Variants in RBFOX1 observed in about 807,000 individuals in gnomAD.
RBFOX1 encodes RNA binding fox-1 homolog 1, also known as RNA binding protein fox-1 homolog 1.
In RBFOX1, 8 loss-of-function variants were observed where a neutral mutation model predicts 57.7. That is an observed-to-expected ratio of 0.14 (90% confidence interval 0.08 to 0.25). The LOEUF (loss-of-function observed/expected upper bound fraction) is 0.25. RBFOX1 is among the 10% of genes least tolerant of loss of function. The pLI is 1.00. For synonymous variants in RBFOX1, 326 were observed against 222.4 expected, an observed-to-expected ratio of 1.47 and a Z score of -4.15; for missense variants, 611 against 548.5, an observed-to-expected ratio of 1.11 and a Z score of -1.14.
rs1279387523 is a variant in RBFOX1, at chr16:6,075,800, A to T, written c.-127+55808A>T. On this transcript the variant is annotated intron_variant, in intron 1 of 15. Coordinates refer to ENST00000550418, the MANE Select transcript of RBFOX1 (RefSeq NM_018723.4). ...CCATGTCGTGGACAAAAATTAACTGAATTAACTGTAACTATCTCAAATCAA... is the reference window on the plus strand; with the variant it reads ...CCATGTCGTGGACAAAAATTAACTGTATTAACTGTAACTATCTCAAATCAA... 4.6e-5 allele frequency among the ~76,000 whole-genome samples: 7 copies of T among 152,196 alleles called. No homozygotes were observed. The East Asian group carries it at 1.4e-3, about 29-fold the overall frequency.
intron 5 of RBFOX1, among the ~76,000 whole-genome samples, chr16:7,567,288 T>TC (rs2092001077): frequency 1.4e-4 from 17 of 119,950 alleles, no homozygotes; most frequent in African/African-American, 4.7e-4. Flanking sequence ...TCCCTATATA[T>TC]CCTTATATAT....
At chr16:5,615,152 A>C (rs2031638856) in intron 3 of RBFOX1, among the ~76,000 whole-genome samples, 1 of 152,190 alleles carries the variant, frequency 6.6e-6, no homozygotes, top group South Asian at 2.1e-4. Flanking sequence ...TTTCCATCCC[A>C]GCCTCCCAAG....
At chr16:5,328,875 G>A (rs1445292334) in intron 1 of RBFOX1, among the ~76,000 whole-genome samples, 4 of 152,170 alleles carry the variant, frequency 2.6e-5, no homozygotes, top group Non-Finnish European at 4.4e-5. Flanking sequence ...TAACCATTAG[G>A]CTGCCTTGAT....
Position 7,123,438 on chromosome 16 carries a change from CACTGTA to C in RBFOX1, c.27+71343_27+71348del, listed in dbSNP as rs2067670220. Among the ~76,000 whole-genome samples the C allele has an allele frequency of 2.0e-5, 3 of 152,160 alleles. No individual in the cohort carries two copies. The South Asian group carries it at 6.2e-4, about 32-fold the overall frequency. ...GGAGTACAGTGGTGCCAATACAGCTCACTGTAACCTTGACCTCCTGGGCTCAGGTGA... is the reference window on the plus strand; with the variant it reads ...GGAGTACAGTGGTGCCAATACAGCTCACCTTGACCTCCTGGGCTCAGGTGA... On this transcript the variant is annotated intron_variant, in intron 4 of 15. Transcript: ENST00000550418.
chr16:5,360,473 T>C (rs972658994), intron 1 of RBFOX1, among the ~76,000 whole-genome samples: 2 of 152,218 alleles, frequency 1.3e-5, no homozygotes, highest in African/African-American at 4.8e-5. Context: ...ATGCATCACC[T>C]ACATGCACAG....
chr16:6,382,968 G>C (rs1205353517), intron 2 of RBFOX1, among the ~76,000 whole-genome samples: 1 of 152,208 alleles, frequency 6.6e-6, no homozygotes, highest in African/African-American at 2.4e-5. Context: ...TGACAAGCCA[G>C]TATTTACGCT....
chr16:6,886,838 A>T (rs944733290), intron 3 of RBFOX1, among the ~76,000 whole-genome samples: 1 of 152,138 alleles, frequency 6.6e-6, no homozygotes, highest in African/African-American at 2.4e-5. Flanking sequence ...TTTGCTTTAG[A>T]ATCAGTGAAA....
chr16:5,453,849 A>C (rs1033998672), intron 1 of RBFOX1, among the ~76,000 whole-genome samples: 1 of 152,230 alleles, frequency 6.6e-6, no homozygotes, highest in Non-Finnish European at 1.5e-5. Flanking sequence ...GTAAGTTCTC[A>C]TGCAGAAGGA....
intron 1 of RBFOX1, among the ~76,000 whole-genome samples, chr16:6,115,927 C>T (rs2096491986): frequency 6.6e-6 from 1 of 152,034 alleles, no homozygotes; most frequent in Non-Finnish European, 1.5e-5. Flanking sequence ...ATCTCTAGTA[C>T]CCAAAGGATT....
At chr16:6,322,068 C>T (rs559775278) in intron 2 of RBFOX1, among the ~76,000 whole-genome samples, 1 of 152,154 alleles carries the variant, frequency 6.6e-6, no homozygotes, top group Non-Finnish European at 1.5e-5. Flanking sequence ...CTAACATTGT[C>T]TTTGTTTTTC....
At chr16:7,289,555 A>G (rs1006112550) in intron 4 of RBFOX1, among the ~76,000 whole-genome samples, 1 of 152,104 alleles carries the variant, frequency 6.6e-6, no homozygotes, top group Non-Finnish European at 1.5e-5. Context: ...CAATATGATA[A>G]TGATGATCAT....
chr16:6,016,959 G>C (rs2094997558), upstream of RBFOX1, among the ~76,000 whole-genome samples: 1 of 152,118 alleles, frequency 6.6e-6, no homozygotes, highest in Non-Finnish European at 1.5e-5. Context: ...ATATTCTTAA[G>C]CCATGTAGCA....
Position 5,811,139 on chromosome 16 carries a change from A to G in RBFOX1, c.319-56164A>G, listed in dbSNP as rs191780686. ...TTTTATATAAATGAAATCTTATGGA[A>G]CAAATTTTTTTTTTTTTTTTTTTTT... On this transcript the variant is annotated intron_variant, in intron 3 of 19. Transcript: ENST00000641259. Among the ~76,000 whole-genome samples the G allele has an allele frequency of 9.8e-5, 14 of 142,440 alleles. No individual in the cohort carries two copies. The East Asian group carries it at 2.9e-3, about 30-fold the overall frequency. 93.4% of individuals were successfully genotyped at this position (142,440 alleles called of 152,430 possible).
chr16:5,626,976 C>G (rs934147391), intron 3 of RBFOX1, among the ~76,000 whole-genome samples: 1 of 152,108 alleles, frequency 6.6e-6, no homozygotes, highest in African/African-American at 2.4e-5. Flanking sequence ...AATCAGCTTC[C>G]TTTTAAATTA....
intron 4 of RBFOX1, among the ~76,000 whole-genome samples, chr16:7,179,439 G>C (rs2082272359): frequency 6.6e-6 from 1 of 152,046 alleles, no homozygotes; most frequent in Admixed American, 6.5e-5. Context: ...TCCACAATTT[G>C]TCTGGCCTCC....
chr16:5,439,401 G>A (rs926805071), intron 1 of RBFOX1, among the ~76,000 whole-genome samples: 4 of 152,146 alleles, frequency 2.6e-5, no homozygotes, highest in African/African-American at 9.7e-5. Context: ...TGGTACCTGG[G>A]TAGAAAACGC....
intron 4 of RBFOX1, among the ~76,000 whole-genome samples, chr16:7,214,764 C>T (rs893475633): frequency 4.6e-5 from 7 of 152,144 alleles, no homozygotes; most frequent in African/African-American, 1.4e-4. Flanking sequence ...TGGTTTCCTT[C>T]ACTGTCTCAA....
chr16:6,299,779 C>G (rs770263805), intron 1 of RBFOX1, among the ~76,000 whole-genome samples: 1 of 152,166 alleles, frequency 6.6e-6, no homozygotes, highest in East Asian at 1.9e-4. Flanking sequence ...CTGTCCTTAT[C>G]ACTAAGGGAT....
At chr16:7,267,133 G>C (rs149052046) in intron 4 of RBFOX1, among the ~76,000 whole-genome samples, 110 of 152,268 alleles carry the variant, frequency 7.2e-4, no homozygotes, top group Non-Finnish European at 1.3e-3. Flanking sequence ...TGGGGAGCTG[G>C]GCACAGTGTG....
Sources: allele counts gnomAD v4.1 joint callset (sites outside exome capture counted in the v4.1 genomes callset), GRCh38; gene constraint gnomAD v4.1.1; transcripts MANE v1.5; gene names NCBI Gene and HGNC (gene_info 2026-07-23, HGNC 2026-07-21).